Variants in ELN observed in about 807,000 individuals in gnomAD.
The protein encoded by ELN is tropoelastin.
Under a neutral mutation model 105.8 loss-of-function variants are expected in ELN, and 65 were observed. The ratio of observed to expected loss-of-function variants is 0.61; its 90% CI spans 0.50 to 0.75. The LOEUF (loss-of-function observed/expected upper bound fraction) is 0.75, where lower values mean the gene tolerates loss of function less well. Ranked by LOEUF, ELN falls within the 30% of genes least tolerant of loss-of-function variation. The pLI is 0.00. For missense variants in ELN, 882 were observed against 969.4 expected, an observed-to-expected ratio of 0.91 and a Z score of 1.20; for synonymous variants, 368 against 389.2, an observed-to-expected ratio of 0.95 and a Z score of 0.64.
chr7:74,039,961 C>CTG (rs1790796810), intron 4 of ELN, among the ~76,000 whole-genome samples: 1 of 152,224 alleles, frequency 6.6e-6, no homozygotes, highest in Non-Finnish European at 1.5e-5. Context: ...GGACTCCCAG[C>CTG]TGTGGTCAGC....
chr7:74,048,802 T>A (rs1312696531), intron 15 of ELN, among the ~76,000 whole-genome samples: 1 of 151,034 alleles, frequency 6.6e-6, no homozygotes, highest in Non-Finnish European at 1.5e-5. Context: ...CCTCCATGCA[T>A]CCATCTATCC....
In ELN at chr7:74,042,701, A is replaced by G; in HGVS notation, c.320A>G (p.Lys107Arg). The G allele has an allele frequency of 6.2e-7, 1 of 1,612,826 alleles. No homozygotes were observed. The highest frequency in any genetic ancestry group is 8.5e-7 in the Non-Finnish European group (1 of 1,180,000). The stretch of plus-strand genomic sequence containing the variant: ...GCTGCTGCAGCCTATAAAGCTGCTA[A>G]GGCTGGTGAGTGGTGCTCTTTGGGA... Reference protein sequence around the residue: ...ADAAAAYKAAKAGAGLGGVPG... With the variant: ...ADAAAAYKAARAGAGLGGVPG... Residue 107 changes from lysine (K) to arginine (R), a missense_variant, in exon 6 of 33, where the codon AAG becomes AGG. By Grantham distance (26) the Lys-to-Arg change is conservative. Transcript: ENST00000252034.
At chr7:74,057,553 T>C in intron 21 of ELN, 87 bp from the exon 22 acceptor site, 3 of 1,608,828 alleles carry the variant, frequency 1.9e-6, no homozygotes, top group Non-Finnish European at 2.6e-6. Flanking sequence ...CTGCACCATT[T>C]TACAAATGGG....
intron 19 of ELN, among the ~76,000 whole-genome samples, chr7:74,055,094 G>C (rs994218748): frequency 1.3e-5 from 2 of 152,256 alleles, no homozygotes; most frequent in Non-Finnish European, 2.9e-5. Context: ...TCCAACAAAG[G>C]GGGTCTTCCC....
rs781908666 is a variant in ELN, at chr7:74,060,597, AG to A, written c.1747+100del. ...CCTCCCCAGCACCCCCTCATCACCC[AG>A]GGGTGCATAGTAAAATCCTTGTTAG... On this transcript the variant is annotated intron_variant, in intron 25 of 32. Transcript: ENST00000252034. 8 of 1,592,472 alleles carry A rather than the reference AG, an allele frequency of 5.0e-6. No individual in the cohort carries two copies. Among genetic ancestry groups the A allele is most frequent in the Non-Finnish European group, 6.8e-6 (8 of 1,169,150 alleles).
chr7:74,056,635 G>A, intron 20 of ELN, 37 bp from the exon 21 acceptor site: 2 of 1,613,732 alleles, frequency 1.2e-6, no homozygotes, highest in Non-Finnish European at 1.7e-6. Context: ...CCCAGGCACG[G>A]CTTCTGAGGG....
chr7:74,044,197 T>C (rs1791924994), intron 9 of ELN, among the ~76,000 whole-genome samples: 1 of 151,926 alleles, frequency 6.6e-6, no homozygotes, highest in Non-Finnish European at 1.5e-5. Flanking sequence ...GCTACGATGG[T>C]GCCACTGCAC....
At chr7:74,061,267 A>G (rs782727230) in intron 26 of ELN, 128 bp downstream of exon 26, 4 of 1,217,924 alleles carry the variant, frequency 3.3e-6, no homozygotes, top group Non-Finnish European at 4.7e-6. Flanking sequence ...CTGTAATCCC[A>G]GCACTTTGGG....
chr7:74,042,888 G>A, intron 6 of ELN, 96 bp from the exon 7 acceptor site: 1 of 1,602,196 alleles, frequency 6.2e-7, no homozygotes, highest in Non-Finnish European at 8.5e-7. Context: ...TAGTAACGGG[G>A]CCAGACCTCA....
In ELN at chr7:74,028,267, G is replaced by T; in HGVS notation, c.80G>T (p.Gly27Val). 1.2e-6 allele frequency: 2 copies of T among 1,607,138 alleles called. No individual in the cohort carries two copies. The change falls in exon 1 of 33, where the codon GGA becomes GTA. Residue 27 changes from glycine (G) to valine (V), a missense_variant and splice_region_variant. Coordinates refer to ENST00000252034, the MANE Select transcript of ELN (RefSeq NM_000501.4). ...LLSILHPSRPGGVPGAIPGGV... is the reference protein window; with the variant it reads ...LLSILHPSRPVGVPGAIPGGV... ...TCCATCCTCCACCCCTCTCGGCCTGGAGGTAAGGACCCCTCGCCCCTGTCC... is the reference window on the plus strand; with the variant it reads ...TCCATCCTCCACCCCTCTCGGCCTGTAGGTAAGGACCCCTCGCCCCTGTCC...
chr7:74,050,803 A>G (rs1046890953), intron 15 of ELN, among the ~76,000 whole-genome samples: 4 of 152,142 alleles, frequency 2.6e-5, no homozygotes, highest in Admixed American at 2.0e-4. Context: ...ACCTGAGGAA[A>G]GTTAGAAAGG....
chr7:74,066,898 T>C (rs1418599505), intron 32 of ELN, 122 bp downstream of exon 32: 2 of 1,059,308 alleles, frequency 1.9e-6, no homozygotes, highest in Non-Finnish European at 2.8e-6. Context: ...CCCCACAGCC[T>C]CAGGTCACAC....
chr7:74,052,011 A>C, intron 17 of ELN, 28 bp downstream of exon 17: 1 of 1,611,964 alleles, frequency 6.2e-7, no homozygotes, highest in Non-Finnish European at 8.5e-7. Context: ...TGGCAAGTCC[A>C]CGGCTCGGGC....
At chr7:74,047,887 G>A (rs1263189518) in intron 13 of ELN, among the ~76,000 whole-genome samples, 171 bp downstream of exon 13, 3 of 152,254 alleles carry the variant, frequency 2.0e-5, no homozygotes, top group Non-Finnish European at 4.4e-5. Flanking sequence ...ACTCAGCATG[G>A]GTCTCCATCC....
Position 74,041,227 on chromosome 7 carries a change from C to T in ELN, c.208C>T (p.Leu70Phe), listed in dbSNP as rs1164562093. Reference sequence around the variant, plus strand: ...TTTCTTATCCACAGTTCCCGGAGGGCTTGCGGGTGCTGGCCTTGGGGCAGG... The same window carrying T: ...TTTCTTATCCACAGTTCCCGGAGGGTTTGCGGGTGCTGGCCTTGGGGCAGG... ...GKPLKPVPGG[L>F]AGAGLGAGLG... Residue 70 changes from leucine to phenylalanine, a missense_variant, in exon 5 of 33, where the codon CTT (leucine) becomes TTT (phenylalanine). Transcript: ENST00000252034. 8 of 1,613,910 alleles carry T rather than the reference C, an allele frequency of 5.0e-6. No homozygotes were observed. Among genetic ancestry groups the T allele is most frequent in the Non-Finnish European group, 5.9e-6 (7 of 1,179,910 alleles).
At chr7:74,043,330 T>G in intron 8 of ELN, 162 bp downstream of exon 8, 1 of 1,111,328 alleles carries the variant, frequency 9.0e-7, no homozygotes, top group South Asian at 1.3e-5. Flanking sequence ...GTCTGTGAAA[T>G]GGGGAGGAGG....
intron 1 of ELN, among the ~76,000 whole-genome samples, chr7:74,029,808 CAT>C (rs1788267393): frequency 6.6e-6 from 1 of 152,232 alleles, no homozygotes; most frequent in African/African-American, 2.4e-5. Flanking sequence ...GGCAGTTCAT[CAT>C]CAAGGAACCT....
chr7:74,054,380 G>C (rs1554678245), intron 18 of ELN, among the ~76,000 whole-genome samples: 3 of 151,884 alleles, frequency 2.0e-5, no homozygotes, highest in Non-Finnish European at 4.4e-5. Flanking sequence ...TGAGGCAGGA[G>C]AAGTGCTTGA....
At chr7:74,065,887 A>G (rs1410112504) in intron 30 of ELN, 57 bp from the exon 31 acceptor site, 7 of 1,613,580 alleles carry the variant, frequency 4.3e-6, no homozygotes, top group Non-Finnish European at 5.9e-6. Flanking sequence ...CAGCAGGGAT[A>G]TCAGGGCCTC....
Sources: gnomAD v4.1 joint callset for allele counts (sites outside exome capture counted in the v4.1 genomes callset) on GRCh38, gnomAD v4.1.1 for gene constraint, MANE v1.5 for transcripts, NCBI Gene and HGNC (gene_info 2026-07-23, HGNC 2026-07-21) for gene names.